Variants in HECW1 observed in about 807,000 individuals in gnomAD.
The protein encoded by HECW1 is HECT, C2 and WW domain containing E3 ubiquitin protein ligase 1.
A neutral mutation model predicts 182.3 loss-of-function variants in HECW1; 61 were observed. The ratio of observed to expected loss-of-function variants is 0.33; its 90% CI spans 0.27 to 0.41. The LOEUF (loss-of-function observed/expected upper bound fraction) is 0.41, where lower values mean the gene tolerates loss of function less well. HECW1 is among the 10% of genes least tolerant of loss of function. HECW1 has a pLI of 1.00. For missense variants in HECW1, 1,739 were observed against 2,108.9 expected, an observed-to-expected ratio of 0.82 and a Z score of 3.44; for synonymous variants, 859 against 832.6, an observed-to-expected ratio of 1.03 and a Z score of -0.55.
intron 3 of HECW1, among the ~76,000 whole-genome samples, chr7:43,290,172 A>T (rs980904426): frequency 3.3e-5 from 5 of 152,238 alleles, no homozygotes; most frequent in African/African-American, 4.8e-5. Flanking sequence ...TTCTCTACAG[A>T]TGCAGATTTC....
rs190747368 is a variant in HECW1, at chr7:43,150,709, T to C, written c.-32+36318T>C. On this transcript the variant is annotated intron_variant, in intron 2 of 29. Transcript: ENST00000395891. ...CAGCATTTTAAAGATGGCGTCACAA[T>C]GGCAAAGAAACCAGTCAGTGCTTTG... Among the ~76,000 whole-genome samples the C allele has an allele frequency of 4.7e-3, 718 of 152,288 alleles. 14 individuals carry two copies. Among genetic ancestry groups the C allele is most frequent in the Non-Finnish European group, 2.5e-3 (168 of 68,028 alleles).
At chr7:43,318,160 C>A (rs753402028) in intron 4 of HECW1, among the ~76,000 whole-genome samples, 101 of 152,182 alleles carry the variant, frequency 6.6e-4, no homozygotes, top group Non-Finnish European at 1.1e-3. Flanking sequence ...AAATCCCTGA[C>A]CCTGACTATT....
At position 43,463,692 on chromosome 7, in the gene HECW1, A is replaced by T. The variant is rs1263556522; in HGVS notation, c.2684A>T (p.Glu895Val). 6.2e-7 allele frequency: 1 copy of T among 1,614,088 alleles called. No homozygotes were observed. The highest frequency in any genetic ancestry group is 1.1e-5 in the South Asian group (1 of 91,080). Residue 895 changes from glutamate (E) to valine (V), a missense_variant, in exon 14 of 30, where the codon GAG (glutamate) becomes GTG (valine). Glu to Val is a moderately radical substitution (Grantham distance 121). Around this residue, in one of 5 missense-constraint regions of HECW1, gnomAD observed 971 missense variants for 1,029.1 expected, o/e 0.94. Coordinates refer to ENST00000395891, the MANE Select transcript of HECW1 (RefSeq NM_015052.5). The stretch of plus-strand genomic sequence containing the variant: ...AACATTCAGCGAACCATTGCAACAG[A>T]GAGGTCCGAAGAAGATTCTGGCAGC... ...YQNIQRTIAT[E>V]RSEEDSGSQS...
chr7:43,283,176 CT>C (rs2152749163), intron 3 of HECW1, among the ~76,000 whole-genome samples: 1 of 151,840 alleles, frequency 6.6e-6, no homozygotes, highest in South Asian at 2.1e-4. Flanking sequence ...TTGGGGACCC[CT>C]GGAAGGCCCC....
At chr7:43,365,535 T>C (rs990252228) in intron 6 of HECW1, among the ~76,000 whole-genome samples, 8 of 152,216 alleles carry the variant, frequency 5.3e-5, no homozygotes, top group African/African-American at 1.9e-4. Context: ...CAAAGATGTA[T>C]TTCTTATGTT....
At chr7:43,544,133 T>C (rs2081469362) in intron 26 of HECW1, among the ~76,000 whole-genome samples, 1 of 152,248 alleles carries the variant, frequency 6.6e-6, no homozygotes, top group African/African-American at 2.4e-5. Flanking sequence ...GATACAGATA[T>C]CGCACAAATT....
intron 8 of HECW1, among the ~76,000 whole-genome samples, chr7:43,415,010 A>G (rs1475064967): frequency 4.0e-5 from 6 of 151,866 alleles, no homozygotes; most frequent in African/African-American, 1.5e-4. Context: ...TTTTAATTGG[A>G]GCATTTAGCC....
At chr7:43,321,409 G>A (rs4509217) in intron 5 of HECW1, among the ~76,000 whole-genome samples, 10,626 of 152,122 alleles carry the variant, frequency 0.07, 477 homozygotes, top group Middle Eastern at 0.13. Flanking sequence ...CCATACTGGT[G>A]TATTTCTCAT....
intron 27 of HECW1, 145 bp downstream of exon 27, chr7:43,550,736 G>T: frequency 1.3e-6 from 1 of 757,946 alleles, no homozygotes; most frequent in Non-Finnish European, 2.1e-6. Context: ...CTCAGCGAGT[G>T]CTCCTCACCA....
intron 2 of HECW1, among the ~76,000 whole-genome samples, chr7:43,178,633 C>T (rs1792502387): frequency 6.6e-6 from 1 of 152,186 alleles, no homozygotes; most frequent in Non-Finnish European, 1.5e-5. Context: ...TCCTCACACT[C>T]GCCCCTTGTC....
intron 17 of HECW1, among the ~76,000 whole-genome samples, chr7:43,487,903 G>A (rs955640560): frequency 1.3e-5 from 2 of 151,756 alleles, no homozygotes; most frequent in African/African-American, 4.8e-5. Context: ...AGCTTGTAGT[G>A]AGCTATAATT....
At chr7:43,174,006 T>A (rs1429860215) in intron 2 of HECW1, among the ~76,000 whole-genome samples, 2 of 152,014 alleles carry the variant, frequency 1.3e-5, no homozygotes, top group Non-Finnish European at 2.9e-5. Flanking sequence ...CCTGGCTAAT[T>A]TTTTAAAATT....
chr7:43,222,625 A>C (rs908584719), intron 2 of HECW1, among the ~76,000 whole-genome samples: 2 of 152,208 alleles, frequency 1.3e-5, no homozygotes, highest in Non-Finnish European at 2.9e-5. Context: ...ATAGAGAGCC[A>C]AATTCAGTAG....
At chr7:43,390,105 C>T (rs1342548805) in intron 6 of HECW1, among the ~76,000 whole-genome samples, 3 of 152,140 alleles carry the variant, frequency 2.0e-5, no homozygotes, top group Non-Finnish European at 4.4e-5. Context: ...ATAAATGCCT[C>T]ATTTTTCCAA....
chr7:43,460,548 G>A (rs1181174343), intron 13 of HECW1, among the ~76,000 whole-genome samples: 2 of 151,516 alleles, frequency 1.3e-5, no homozygotes, highest in African/African-American at 4.9e-5. Context: ...GTGCGTGTGT[G>A]TGCGTGTGTG....
At chr7:43,222,663 A>T (rs1797085484) in intron 2 of HECW1, among the ~76,000 whole-genome samples, 1 of 152,182 alleles carries the variant, frequency 6.6e-6, no homozygotes. Context: ...CCGGAGTTTC[A>T]AATTATTCAA....
chr7:43,131,214 G>A (rs879514022), intron 2 of HECW1, among the ~76,000 whole-genome samples: 4 of 152,132 alleles, frequency 2.6e-5, no homozygotes, highest in East Asian at 1.9e-4. Context: ...GCGGTGAGCC[G>A]AGATCTTGCC....
At chr7:43,207,493 T>C (rs1294955616) in intron 2 of HECW1, among the ~76,000 whole-genome samples, 1 of 152,240 alleles carries the variant, frequency 6.6e-6, no homozygotes, top group Non-Finnish European at 1.5e-5. Flanking sequence ...ACCCTCCTTC[T>C]ATTTAATAGC....
intron 3 of HECW1, among the ~76,000 whole-genome samples, chr7:43,259,307 A>G (rs1020170881): frequency 2.6e-5 from 4 of 152,070 alleles, no homozygotes; most frequent in African/African-American, 4.8e-5. Context: ...GAATCACTTG[A>G]ACTCAGGAGG....
Sources: gnomAD v4.1 joint callset for allele counts (sites outside exome capture counted in the v4.1 genomes callset) on GRCh38, gnomAD v4.1.1 for gene constraint, gnomAD v4.1.1 regional missense constraint, MANE v1.5 for transcripts, NCBI Gene and HGNC (gene_info 2026-07-23, HGNC 2026-07-21) for gene names.